Variants in ANXA4 observed in about 807,000 individuals in gnomAD.
ANXA4 encodes 35-beta calcimedin.
ANXA4 carries 39 observed loss-of-function variants against 49.8 expected under a neutral mutation model. That is an observed-to-expected ratio of 0.78 (90% CI 0.61 to 1.02). The LOEUF (loss-of-function observed/expected upper bound fraction) is 1.02, where lower values mean the gene tolerates loss of function less well. Ranked by LOEUF, ANXA4 falls within the 50% of genes least tolerant of loss-of-function variation. The pLI, the probability that ANXA4 is intolerant of heterozygous loss-of-function variation, is 0.00. For missense variants in ANXA4, 360 were observed against 410.1 expected (o/e 0.88, Z 1.05); for synonymous variants, 134 against 152.5 (o/e 0.88, Z 0.89).
At chr2:69,753,120 C>T (rs1271940724) in intron 1 of ANXA4, among the ~76,000 whole-genome samples, 2 of 152,130 alleles carry the variant, frequency 1.3e-5, no homozygotes, top group South Asian at 2.1e-4. Flanking sequence ...TAGTTATGTA[C>T]CTGTTCTATT....
At chr2:69,660,820 T>G (rs1314211070) in intron 2 of ANXA4, among the ~76,000 whole-genome samples, 2 of 149,690 alleles carry the variant, frequency 1.3e-5, no homozygotes, top group Non-Finnish European at 3.0e-5. Flanking sequence ...AAAGTTGAGA[T>G]ATGGAAGATA....
At chr2:69,708,946 TA>T (rs147867337) in intron 2 of ANXA4, among the ~76,000 whole-genome samples, 2,334 of 152,254 alleles carry the variant, frequency 0.015, 48 homozygotes, top group East Asian at 0.079. Flanking sequence ...ATCTTCTGAA[TA>T]ATAATTTGAA....
intron 1 of ANXA4, among the ~76,000 whole-genome samples, chr2:69,753,445 C>T (rs139663410): frequency 2.7e-4 from 41 of 152,314 alleles, no homozygotes; most frequent in African/African-American, 8.4e-4. Context: ...CCCCACGTGA[C>T]TTTTGTGTAC....
chr2:69,785,985 C>T (rs1672398099), intron 2 of ANXA4, among the ~76,000 whole-genome samples: 2 of 152,158 alleles, frequency 1.3e-5, no homozygotes, highest in African/African-American at 4.8e-5. Flanking sequence ...CATCAAGTAC[C>T]ACCCAAATGC....
intron 2 of ANXA4, among the ~76,000 whole-genome samples, chr2:69,699,165 T>C (rs1678254790): frequency 6.6e-6 from 1 of 152,150 alleles, no homozygotes; most frequent in African/African-American, 2.4e-5. Flanking sequence ...CTCATGTTCA[T>C]GACATAGAGG....
chr2:69,788,007 T>A, intron 2 of ANXA4, 47 bp from the exon 3 acceptor site: 3 of 1,518,714 alleles, frequency 2.0e-6, no homozygotes, highest in Non-Finnish European at 2.7e-6. Flanking sequence ...TGCCTCCGTG[T>A]TGGTGAGAGG....
At chr2:69,656,278 TA>T (rs1433569287) in intron 2 of ANXA4, among the ~76,000 whole-genome samples, 2 of 132,252 alleles carry the variant, frequency 1.5e-5, no homozygotes, top group Non-Finnish European at 3.1e-5. Context: ...TGTATATACG[TA>T]TATATATACA....
Position 69,766,785 on chromosome 2 carries a change from A to G in ANXA4, c.-46-14735A>G, listed in dbSNP as rs563171621. Among the ~76,000 whole-genome samples the G allele has an allele frequency of 6.6e-5, 10 of 152,262 alleles. No homozygotes were observed. In the East Asian group the frequency reaches 1.9e-3, roughly 29 times the overall value. ...GACAGAACCTAACATGTTATTACCA[A>G]GCACACTGCCCAGAAGGCAAACCCA... On this transcript the variant is annotated intron_variant, in intron 1 of 12. Coordinates refer to ENST00000394295, the MANE Select transcript of ANXA4 (RefSeq NM_001153.5).
chr2:69,811,272 G>T (rs1673694289), intron 7 of ANXA4: 1 of 153,170 alleles, frequency 6.5e-6, no homozygotes, highest in South Asian at 2.1e-4. Context: ...CTGGAAACAG[G>T]GTGGGAGGAT....
chr2:69,826,494 G>T lies in ANXA4; in HGVS notation c.*979G>T, dbSNP rs1005165298. 2.6e-5 allele frequency: 4 copies of T among 152,168 alleles called. No individual in the cohort carries two copies. The highest frequency in any genetic ancestry group is 1.5e-5 in the Non-Finnish European group (1 of 68,024). The allele number at this position is 152,168 out of a possible 1,614,324, so 9.4% of individuals were successfully genotyped here. A position where few individuals can be genotyped will look rare whatever the true frequency, so the allele number is the denominator to read the frequency against. ...GAAAAATAATTTTAATTTAAAAATG[G>T]TGTTTTTAGGCCGGGGGCGGGGGCT... On this transcript the variant is annotated 3_prime_UTR_variant, in exon 13 of 13. Transcript: ENST00000394295.
intron 2 of ANXA4, chr2:69,653,318 C>T (rs902350142): frequency 1.2e-4 from 18 of 152,246 alleles, no homozygotes; most frequent in African/African-American, 2.6e-4. Context: ...GTGAAGTATG[C>T]GTAAATGATA....
chr2:69,678,696 C>G (rs1677493841), intron 2 of ANXA4, among the ~76,000 whole-genome samples: 1 of 151,980 alleles, frequency 6.6e-6, no homozygotes, highest in Non-Finnish European at 1.5e-5. Context: ...CGTGCCCAGC[C>G]CACAAATTTC....
intron 1 of ANXA4, among the ~76,000 whole-genome samples, chr2:69,747,600 G>A (rs1350566472): frequency 6.6e-6 from 1 of 152,120 alleles, no homozygotes; most frequent in African/African-American, 2.4e-5. Context: ...ACAATTTCAA[G>A]GAGTTTATAG....
chr2:69,734,721 C>T (rs1012122902), intron 3 of ANXA4, among the ~76,000 whole-genome samples: 3 of 150,304 alleles, frequency 2.0e-5, no homozygotes, highest in Non-Finnish European at 1.5e-5. Context: ...CTTGTTCCCC[C>T]CAAAAAAGTC....
In ANXA4 at chr2:69,658,602, AATG is replaced by A. The variant is rs559822072; in HGVS notation, n.766+5321_766+5323del. On this transcript the variant is annotated intron_variant and non_coding_transcript_variant, in intron 2 of 3. Coordinates refer to the ANXA4 transcript ENST00000418066. Reference sequence around the variant, plus strand: ...CAGGGAGAGTTCAGAAAATAGAAATAATGTTCATTTCAAAGCACCTTTTCAATA... The same window carrying A: ...CAGGGAGAGTTCAGAAAATAGAAATATTCATTTCAAAGCACCTTTTCAATA... 6.3e-3 allele frequency among the ~76,000 whole-genome samples: 962 copies of A among 152,332 alleles called. 2 individuals carry two copies. The highest frequency in any genetic ancestry group is 0.011 in the Non-Finnish European group (723 of 68,024).
chr2:69,655,352 C>A (rs565566561), intron 2 of ANXA4, among the ~76,000 whole-genome samples: 9 of 152,138 alleles, frequency 5.9e-5, no homozygotes, highest in African/African-American at 2.2e-4. Flanking sequence ...ACAACCCAAT[C>A]AAAAAGTGAG....
chr2:69,784,563 G>T (rs947648859), intron 2 of ANXA4, among the ~76,000 whole-genome samples: 6 of 152,224 alleles, frequency 3.9e-5, no homozygotes, highest in Non-Finnish European at 8.8e-5. Context: ...TAGAAGAAAA[G>T]AAGTAAAGTG....
chr2:69,775,213 C>T (rs998666245), intron 1 of ANXA4, among the ~76,000 whole-genome samples: 1 of 152,184 alleles, frequency 6.6e-6, no homozygotes, highest in Non-Finnish European at 1.5e-5. Flanking sequence ...CATGATTTTG[C>T]CATTGGTGGG....
chr2:69,817,186 T>A (rs1297329296), intron 9 of ANXA4: 1 of 152,234 alleles, frequency 6.6e-6, no homozygotes, highest in East Asian at 1.9e-4. Context: ...AGTGCATAAA[T>A]GCATTTGCAA....
Sources: allele counts gnomAD v4.1 joint callset (sites outside exome capture counted in the v4.1 genomes callset), GRCh38; gene constraint gnomAD v4.1.1; transcripts MANE v1.5; gene names NCBI Gene and HGNC (gene_info 2026-07-23, HGNC 2026-07-21).